Variants in RBFOX2 observed in about 807,000 individuals in gnomAD.
RBFOX2 encodes RNA binding protein fox-1 homolog 2.
In RBFOX2, 10 loss-of-function variants were observed where a neutral mutation model predicts 49.1. That is an observed-to-expected ratio of 0.20 (90% CI 0.13 to 0.35). RBFOX2 has a LOEUF of 0.35. Among genes scored for constraint, RBFOX2 ranks in the 10% least tolerant of loss-of-function variants. RBFOX2 has a pLI of 1.00. For missense variants in RBFOX2, 323 were observed against 486.9 expected, an observed-to-expected ratio of 0.66 and a Z score of 3.17; for synonymous variants, 183 against 187.4, an observed-to-expected ratio of 0.98 and a Z score of 0.19.
intron 1 of RBFOX2, among the ~76,000 whole-genome samples, chr22:35,928,058 G>C (rs980431349): frequency 6.6e-6 from 1 of 152,018 alleles, no homozygotes; most frequent in Non-Finnish European, 1.5e-5. Context: ...TACATGCCAA[G>C]AAATTTACAT....
chr22:35,934,475 G>C (rs1179610280), intron 1 of RBFOX2, among the ~76,000 whole-genome samples: 3 of 151,876 alleles, frequency 2.0e-5, no homozygotes, highest in Non-Finnish European at 4.4e-5. Context: ...AGTTTACCTG[G>C]GACTGTTTGA....
intron 2 of RBFOX2, among the ~76,000 whole-genome samples, chr22:35,791,198 A>AAC (rs1175776032): frequency 2.0e-5 from 3 of 152,152 alleles, no homozygotes; most frequent in African/African-American, 7.2e-5. Flanking sequence ...CAGCCTGGCC[A>AAC]ACATGGTGAA....
intron 1 of RBFOX2, among the ~76,000 whole-genome samples, chr22:36,008,084 T>C (rs1323855742): frequency 6.6e-6 from 1 of 152,214 alleles, no homozygotes; most frequent in Non-Finnish European, 1.5e-5. Context: ...TACATTTTAA[T>C]AGACATTGAT....
chr22:35,908,572 T>C (rs2049390409), intron 1 of RBFOX2, among the ~76,000 whole-genome samples: 2 of 152,222 alleles, frequency 1.3e-5, no homozygotes, highest in Admixed American at 1.3e-4. Flanking sequence ...ACTGAATGTG[T>C]ATTGCTTTTG....
At chr22:35,779,708 C>T (rs1483190822) in intron 3 of RBFOX2, among the ~76,000 whole-genome samples, 2 of 152,136 alleles carry the variant, frequency 1.3e-5, no homozygotes, top group Admixed American at 6.5e-5. Flanking sequence ...GTTTATGAAG[C>T]TAATGAAATG....
intron 2 of RBFOX2, among the ~76,000 whole-genome samples, chr22:35,809,067 A>C (rs1006697432): frequency 1.3e-5 from 2 of 152,092 alleles, no homozygotes; most frequent in East Asian, 3.9e-4. Context: ...AAAAAAAAAA[A>C]AAACCACCTT....
rs978936341 is a variant in RBFOX2 at position 35,749,285 on chromosome 22, A to G, written c.888-2724T>C. Among the ~76,000 whole-genome samples, 3 of 152,238 alleles carry G rather than the reference A, an allele frequency of 2.0e-5. No individual in the cohort carries two copies. The highest frequency in any genetic ancestry group is 4.4e-5 in the Non-Finnish European group (3 of 68,038). ...CAAAAGGCTCAAGAATATCAGCACT[A>G]AGAAAAAACACATGAAGAGTTTTTT... is the stretch of plus-strand genomic sequence containing the variant. On this transcript the variant is annotated intron_variant, in intron 9 of 11. Coordinates refer to ENST00000405409, the Ensembl canonical transcript of RBFOX2. This position sits in a 1 kb window ranked among gnomAD's most constrained non-coding sequence, Gnocchi z 4.1.
chr22:35,857,407 A>G (rs562500060), intron 1 of RBFOX2, among the ~76,000 whole-genome samples: 1 of 152,366 alleles, frequency 6.6e-6, no homozygotes, highest in African/African-American at 2.4e-5. Context: ...TGACGAAGAC[A>G]ACATCCACAG....
At position 35,869,469 on chromosome 22, in the gene RBFOX2, C is replaced by CAAAAAAAAAAA. The variant is rs35854576; in HGVS notation, c.-33-59476_-33-59466dup. ...CCACCACACCCAGCCAACGGCTGAC[C>CAAAAAAAAAAA]AAAAAAAAAAAAAAAAAAAAAAAAA... On this transcript the variant is annotated intron_variant, in intron 1 of 13. Transcript: ENST00000359369. Among the ~76,000 whole-genome samples, 6 of 30,570 alleles carry CAAAAAAAAAAA rather than the reference C, an allele frequency of 2.0e-4. 2 individuals carry two copies. The highest frequency in any genetic ancestry group is 5.9e-4 in the Admixed American group (1 of 1,696). 20.1% of individuals were successfully genotyped at this position (30,570 alleles called of 152,430 possible).
At chr22:35,992,802 A>C (rs2058037729) in intron 1 of RBFOX2, 1 of 152,180 alleles carries the variant, frequency 6.6e-6, no homozygotes, top group Non-Finnish European at 1.5e-5. Flanking sequence ...GTAAGGATGA[A>C]CCCACTCCTG....
intron 1 of RBFOX2, among the ~76,000 whole-genome samples, chr22:36,004,439 T>C (rs6000053): frequency 4.7e-4 from 71 of 152,308 alleles, no homozygotes; most frequent in African/African-American, 1.6e-3. Context: ...TCTCAGTTTA[T>C]TGACACTTGG....
chr22:35,828,636 G>GT (rs1664031603), intron 1 of RBFOX2, among the ~76,000 whole-genome samples: 1 of 152,206 alleles, frequency 6.6e-6, no homozygotes, highest in Admixed American at 6.5e-5. Flanking sequence ...AACAGCCAGA[G>GT]TGGAAAACCT....
intron 1 of RBFOX2, among the ~76,000 whole-genome samples, chr22:36,005,842 T>C (rs1191838146): frequency 6.6e-6 from 1 of 152,248 alleles, no homozygotes; most frequent in Non-Finnish European, 1.5e-5. Flanking sequence ...CTTTAGCTTA[T>C]GGTAGCTTAG....
chr22:35,823,188 A>C (rs1257264382), intron 1 of RBFOX2, among the ~76,000 whole-genome samples: 2 of 152,158 alleles, frequency 1.3e-5, no homozygotes, highest in East Asian at 3.9e-4. Context: ...GCCACTGGGA[A>C]GGGGTTGGAA....
chr22:36,024,698 G>A (rs2059367123), intron 1 of RBFOX2, among the ~76,000 whole-genome samples: 1 of 151,490 alleles, frequency 6.6e-6, no homozygotes, highest in Non-Finnish European at 1.5e-5. Context: ...CTGAGATCAA[G>A]CCACTGCACT....
chr22:35,960,931 T>C (rs1317308339), intron 1 of RBFOX2, among the ~76,000 whole-genome samples: 1 of 152,128 alleles, frequency 6.6e-6, no homozygotes, highest in African/African-American at 2.4e-5. Context: ...GCAATATTCA[T>C]TTGGATGCAC....
At chr22:35,799,355 G>A (rs1410852140) in intron 2 of RBFOX2, among the ~76,000 whole-genome samples, 2 of 152,098 alleles carry the variant, frequency 1.3e-5, no homozygotes, top group Non-Finnish European at 1.5e-5. Flanking sequence ...ACCCCTAACT[G>A]CTTACCTCTT....
Position 35,898,419 on chromosome 22 carries a change from CTTTTTTT to C in RBFOX2, c.-34+40421_-34+40427del, listed in dbSNP as rs749708583. ...GCGGCCGCCATCTTCTCCCACAATCCTTTTTTTTTTTTTTTTTTTTTTCTGAGACAGG... is the reference window on the plus strand; with the variant it reads ...GCGGCCGCCATCTTCTCCCACAATCCTTTTTTTTTTTTTTTCTGAGACAGG... On this transcript the variant is annotated intron_variant, in intron 1 of 13. Coordinates refer to the RBFOX2 transcript ENST00000359369. The C allele has an allele frequency of 4.8e-4, 133 of 277,984 alleles. No homozygotes were observed. The East Asian group carries it at 8.4e-3, about 18-fold the overall frequency. 17.2% of individuals were successfully genotyped at this position (277,984 alleles called of 1,614,324 possible). A position where few individuals can be genotyped will look rare whatever the true frequency, so the allele number is the denominator to read the frequency against.
chr22:35,924,383 T>A (rs578208679), intron 1 of RBFOX2, among the ~76,000 whole-genome samples: 1 of 152,352 alleles, frequency 6.6e-6, no homozygotes, highest in African/African-American at 2.4e-5. Context: ...CCTAATGTAG[T>A]AATAGGAGAT....
Sources: gnomAD v4.1 joint callset for allele counts (sites outside exome capture counted in the v4.1 genomes callset) on GRCh38, gnomAD v4.1.1 for gene constraint, Gnocchi (gnomAD v3.1) non-coding constraint, MANE v1.5 for transcripts, NCBI Gene and HGNC (gene_info 2026-07-23, HGNC 2026-07-21) for gene names.